SLC12A5: variants seen among roughly 807,000 people sequenced by gnomAD.
The protein encoded by SLC12A5 is solute carrier family 12 member 5, also known as K-Cl cotransporter 2.
A neutral mutation model predicts 124.0 loss-of-function variants in SLC12A5; 18 were observed. The ratio of observed to expected loss-of-function variants is 0.15; its 90% CI spans 0.10 to 0.22. The LOEUF (loss-of-function observed/expected upper bound fraction) is 0.22. Among genes scored for constraint, SLC12A5 ranks in the 10% least tolerant of loss-of-function variants. The pLI is 1.00. For missense variants in SLC12A5, 867 were observed against 1,478.7 expected (o/e 0.59, Z 6.78); for synonymous variants, 589 against 568.0 (o/e 1.04, Z -0.53).
rs2084631586 is a variant in SLC12A5 at position 46,049,731 on chromosome 20, G to A, written c.2122G>A (p.Gly708Ser). The A allele has an allele frequency of 1.2e-6, 2 of 1,604,476 alleles. No homozygotes were observed. The highest frequency in any genetic ancestry group is 1.3e-5 in the African/African-American group (1 of 74,902). ...GGCGGGGAAGGGCCTGACCATCGTG[G>A]GCTCTGTCCTTGAGGGCACCTTTCT... ...LKAGKGLTIV[G>S]SVLEGTFLEN... is the part of the protein sequence containing the mutation. Residue 708 changes from glycine to serine, a missense_variant, in exon 17 of 26, where the codon GGC becomes AGC. Physicochemically the swap from Gly to Ser is moderately conservative, Grantham distance 56 (BLOSUM62 0). Around this residue, in one of 9 missense-constraint regions of SLC12A5, gnomAD observed 6 missense variants for 25.3 expected, o/e 0.24. Transcript: ENST00000243964.
intron 15 of SLC12A5, among the ~76,000 whole-genome samples, 165 bp downstream of exon 15, chr20:46,047,738 G>A (rs2084608852): frequency 6.6e-6 from 1 of 152,010 alleles, no homozygotes; most frequent in South Asian, 2.1e-4. Flanking sequence ...GATGACATTG[G>A]AAGATGGGGG....
At chr20:46,050,743 C>G (rs906219225) in intron 17 of SLC12A5, among the ~76,000 whole-genome samples, 3 of 152,152 alleles carry the variant, frequency 2.0e-5, no homozygotes, top group Non-Finnish European at 4.4e-5. Flanking sequence ...AGACCAAGTC[C>G]CAGCCCTCGA....
At position 46,036,645 on chromosome 20, in the gene SLC12A5, G is replaced by T. The variant is rs1364798552; in HGVS notation, c.427-96G>T. ...CAGCTCAGCAGAAGAGAACCTGTGG[G>T]TTTGGCTGGTGTTTATGGGGTATAA... On this transcript the variant is annotated intron_variant, in intron 4 of 25. Coordinates refer to ENST00000243964, the MANE Select transcript of SLC12A5 (RefSeq NM_020708.5). The T allele has an allele frequency of 3.8e-6, 5 of 1,324,032 alleles. No individual in the cohort carries two copies. In the East Asian group the frequency reaches 9.3e-5, roughly 25 times the overall value. 82.0% of individuals were successfully genotyped at this position (1,324,032 alleles called of 1,614,324 possible). A position where few individuals can be genotyped will look rare whatever the true frequency, so the allele number is the denominator to read the frequency against.
intron 1 of SLC12A5, among the ~76,000 whole-genome samples, chr20:46,034,737 C>CA (rs1197990842): frequency 2.6e-5 from 4 of 152,162 alleles, no homozygotes; most frequent in African/African-American, 9.7e-5. Context: ...GAAGCACTCA[C>CA]ACATCTGTTA....
At chr20:46,038,043 A>C (rs2084513537) in intron 6 of SLC12A5, among the ~76,000 whole-genome samples, 1 of 152,170 alleles carries the variant, frequency 6.6e-6, no homozygotes, top group South Asian at 2.1e-4. Context: ...CCCTTCCTGT[A>C]GGGCATGGGT....
Position 46,044,899 on chromosome 20 carries a change from A to AT in SLC12A5, c.1395-66dup. 3 of 1,593,554 alleles carry AT rather than the reference A, an allele frequency of 1.9e-6. 1 individual carries two copies. The South Asian group carries it at 3.3e-5, about 18-fold the overall frequency. On this transcript the variant is annotated intron_variant, in intron 11 of 25. Transcript: ENST00000243964. ...GCACACAGTTGGTTCTGTAGTTGGT[A>AT]TGGAGACCTGCCCTGGAAATCCAGG...
In SLC12A5 at chr20:46,040,311, G is replaced by A. The variant is rs545810418; in HGVS notation, c.613-62G>A. On this transcript the variant is annotated intron_variant, in intron 6 of 25. Transcript: ENST00000243964. Reference sequence around the variant, plus strand: ...TGATGAGCATCTTTTTTCCTAAAGCGCTGCATGTAGTGCAAAGGGCTGCTG... The same window carrying A: ...TGATGAGCATCTTTTTTCCTAAAGCACTGCATGTAGTGCAAAGGGCTGCTG... 2.0e-4 allele frequency: 317 copies of A among 1,592,776 alleles called. 1 individual carries two copies. The African/African-American group carries it at 3.1e-3, about 15-fold the overall frequency.
At chr20:46,041,225 G>A (rs2084544124) in intron 7 of SLC12A5, 104 bp from the exon 8 acceptor site, 2 of 919,910 alleles carry the variant, frequency 2.2e-6, no homozygotes, top group East Asian at 5.3e-5. Flanking sequence ...TCTGGATATG[G>A]GGACCTGGCG....
At chr20:46,029,959 A>G (rs1483635550) in intron 1 of SLC12A5, among the ~76,000 whole-genome samples, 1 of 150,502 alleles carries the variant, frequency 6.6e-6, no homozygotes, top group Non-Finnish European at 1.5e-5. Context: ...TTGGAGCCAT[A>G]TGACAGCCCC....
In SLC12A5 at chr20:46,052,942, C is replaced by A. The variant is rs773223728; in HGVS notation, c.2378-15C>A. ...CACTGTTTCCCCCTCTGGCCCTCTCCTTGGCCTCCCTCAGAGCTGGTCCGG... is the reference window on the plus strand; with the variant it reads ...CACTGTTTCCCCCTCTGGCCCTCTCATTGGCCTCCCTCAGAGCTGGTCCGG... On this transcript the variant is annotated splice_polypyrimidine_tract_variant and intron_variant, in intron 18 of 25. Coordinates refer to ENST00000243964, the MANE Select transcript of SLC12A5 (RefSeq NM_020708.5). 1.3e-6 allele frequency: 2 copies of A among 1,599,320 alleles called. No individual in the cohort carries two copies. The highest frequency in any genetic ancestry group is 1.1e-5 in the South Asian group (1 of 90,132).
At chr20:46,031,766 G>A (rs374646150) in intron 1 of SLC12A5, among the ~76,000 whole-genome samples, 3 of 152,182 alleles carry the variant, frequency 2.0e-5, no homozygotes, top group African/African-American at 7.2e-5. Context: ...AAGCCGATTC[G>A]GGTTGAGAGC....
In SLC12A5 at chr20:46,058,582, C is replaced by T. The variant is rs111420419; in HGVS notation, c.*977C>T. ...AGAAACCGAGAGGCCCGCGCCCCAC[C>T]GAGGAAGCCCCGCCCCGGTGCCTTC... is the stretch of plus-strand genomic sequence containing the variant. On this transcript the variant is annotated 3_prime_UTR_variant, in exon 26 of 26. Coordinates refer to ENST00000243964, the MANE Select transcript of SLC12A5 (RefSeq NM_020708.5). The surrounding 1 kb of genome is among the most constrained non-coding windows in gnomAD (Gnocchi z 5.8). The T allele has an allele frequency of 2.8e-3, 1,116 of 399,216 alleles. 14 individuals are homozygous for T. Among genetic ancestry groups the T allele is most frequent in the African/African-American group, 0.021 (1,040 of 48,758 alleles). 24.7% of individuals were successfully genotyped at this position (399,216 alleles called of 1,614,324 possible). A position where few individuals can be genotyped will look rare whatever the true frequency, so the allele number is the denominator to read the frequency against.
In SLC12A5 at chr20:46,056,216, C is replaced by T. The variant is rs747552467; in HGVS notation, c.2854C>T (p.Arg952Cys). ...AAAGAATCCAGCCAACACGCGGCTC[C>T]GCCTGAACGTCCCAGAAGAGACGGC... is the stretch of plus-strand genomic sequence containing the variant. Reference protein sequence around the residue: ...RRKNPANTRLRLNVPEETAGD... With the variant: ...RRKNPANTRLCLNVPEETAGD... Residue 952 changes from arginine (R) to cysteine (C), a missense_variant, in exon 22 of 26, where the codon CGC (arginine) becomes TGC (cysteine). Around this residue, in one of 9 missense-constraint regions of SLC12A5, gnomAD observed 180 missense variants for 243.6 expected, o/e 0.74. Transcript: ENST00000243964. The surrounding 1 kb of genome is among the most constrained non-coding windows in gnomAD (Gnocchi z 4.3). 1.4e-5 allele frequency: 22 copies of T among 1,614,080 alleles called. No homozygotes were observed. In the East Asian group the frequency reaches 1.8e-4, roughly 13 times the overall value.
exon 2 of SLC12A5, chr20:46,022,975 G>A: frequency 2.7e-6 from 1 of 364,500 alleles, no homozygotes; most frequent in Non-Finnish European, 4.7e-6. Flanking sequence ...GGAGGAGGAG[G>A]AAGAGGAGGA....
At chr20:46,027,824 T>C (rs1600584864), upstream of SLC12A5, 8 of 152,360 alleles carry the variant, frequency 5.3e-5, 3 homozygotes, top group Admixed American at 5.2e-4. Context: ...ACTGGCATTA[T>C]GTCCACAGGC....
chr20:46,041,226 G>A, intron 7 of SLC12A5, 103 bp from the exon 8 acceptor site: 3 of 929,334 alleles, frequency 3.2e-6, no homozygotes, highest in Non-Finnish European at 4.9e-6. Context: ...CTGGATATGG[G>A]GACCTGGCGT....
chr20:46,041,831 A>G, intron 8 of SLC12A5, among the ~76,000 whole-genome samples: 1 of 152,198 alleles, frequency 6.6e-6, no homozygotes, highest in East Asian at 1.9e-4. Context: ...AATAAGCCAC[A>G]GTTCCTGGCC....
At position 46,053,893 on chromosome 20, in the gene SLC12A5, T is replaced by C. The variant is rs1191398667; in HGVS notation, c.2679+184T>C. Among the ~76,000 whole-genome samples the C allele has an allele frequency of 6.6e-6, 1 of 152,228 alleles. No individual in the cohort carries two copies. The stretch of plus-strand genomic sequence containing the variant: ...TCTCTATAAAAGTAGCCATGTCTAG[T>C]GCTTATTATATGCCAGGCACTGTTC... On this transcript the variant is annotated intron_variant, in intron 20 of 25. Transcript: ENST00000243964. This position sits in a 1 kb window ranked among gnomAD's most constrained non-coding sequence, Gnocchi z 4.7.
At chr20:46,029,004 C>T, upstream of SLC12A5, 1 of 550,340 alleles carries the variant, frequency 1.8e-6, no homozygotes, top group Non-Finnish European at 2.6e-6. Flanking sequence ...CCCACGCAAT[C>T]CCCCAGTTTT....
Sources: allele counts gnomAD v4.1 joint callset (sites outside exome capture counted in the v4.1 genomes callset), GRCh38; gene constraint gnomAD v4.1.1; regional missense constraint gnomAD v4.1.1; non-coding constraint Gnocchi (gnomAD v3.1); transcripts MANE v1.5; gene names NCBI Gene and HGNC (gene_info 2026-07-23, HGNC 2026-07-21).